CADPS2: variants seen among roughly 807,000 people sequenced by gnomAD.
CADPS2 encodes the protein calcium-dependent secretion activator 2.
CADPS2 carries 93 observed loss-of-function variants against 172.5 expected under a neutral mutation model. The ratio of observed to expected loss-of-function variants is 0.54; its 90% confidence interval spans 0.46 to 0.64. CADPS2 has a LOEUF of 0.64. Among genes scored for constraint, CADPS2 ranks in the 30% least tolerant of loss-of-function variants. The probability of loss-of-function intolerance (pLI) is 0.00; values close to 1 mark genes in which losing one functional copy is unlikely to be tolerated. For missense variants in CADPS2, 1,420 were observed against 1,565.9 expected (o/e 0.91, Z 1.57); for synonymous variants, 546 against 555.2 (o/e 0.98, Z 0.23).
At chr7:122,428,423 AT>A (rs2049432597) in intron 17 of CADPS2, among the ~76,000 whole-genome samples, 1 of 151,038 alleles carries the variant, frequency 6.6e-6, no homozygotes, top group Middle Eastern at 3.2e-3. Flanking sequence ...CCTTGAGTGT[AT>A]GTGTATACCT....
At chr7:122,778,246 T>C (rs1397707872) in intron 1 of CADPS2, among the ~76,000 whole-genome samples, 2 of 152,122 alleles carry the variant, frequency 1.3e-5, no homozygotes, top group Non-Finnish European at 2.9e-5. Flanking sequence ...GCCCTAGAGA[T>C]CTGTGGAACT....
intron 1 of CADPS2, among the ~76,000 whole-genome samples, chr7:122,745,680 T>A (rs555820587): frequency 3.5e-4 from 53 of 151,172 alleles, no homozygotes; most frequent in Non-Finnish European, 5.5e-4. Context: ...CTTTTTTTTT[T>A]AAAGAATGAA....
At chr7:122,632,775 T>G (rs1048474132) in intron 3 of CADPS2, among the ~76,000 whole-genome samples, 9 of 152,140 alleles carry the variant, frequency 5.9e-5, no homozygotes, top group African/African-American at 1.9e-4. Context: ...TTGCCAAAGC[T>G]AAGGTCGAGA....
intron 1 of CADPS2, among the ~76,000 whole-genome samples, chr7:122,781,646 A>T (rs959144493): frequency 2.0e-5 from 3 of 152,100 alleles, no homozygotes; most frequent in East Asian, 3.9e-4. Context: ...TTCCTAATCA[A>T]TTGTCACCAT....
In CADPS2 at chr7:122,685,148, A is replaced by G. The variant is rs562565520; in HGVS notation, c.454-21579T>C. Reference sequence around the variant, plus strand: ...CCAGGATTGTGAGCGACCCAAAGGTATAAATCCAATCACCCTTCTAAAGCT... The same window carrying G: ...CCAGGATTGTGAGCGACCCAAAGGTGTAAATCCAATCACCCTTCTAAAGCT... On this transcript the variant is annotated intron_variant, in intron 2 of 29. Transcript: ENST00000449022. 2.0e-4 allele frequency among the ~76,000 whole-genome samples: 31 copies of G among 152,284 alleles called. No homozygotes were observed. In the South Asian group the frequency reaches 6.0e-3, roughly 30 times the overall value.
chr7:122,712,997 C>T (rs563037137), intron 2 of CADPS2, among the ~76,000 whole-genome samples: 5 of 152,056 alleles, frequency 3.3e-5, no homozygotes, highest in African/African-American at 7.2e-5. Context: ...ATTCAGGTTA[C>T]GGCACACACA....
At chr7:122,630,597 T>C (rs2134196326) in intron 3 of CADPS2, among the ~76,000 whole-genome samples, 1 of 152,226 alleles carries the variant, frequency 6.6e-6, no homozygotes, top group East Asian at 1.9e-4. Flanking sequence ...TGGGACTTCC[T>C]TGAGAGGTTT....
chr7:122,470,887 T>C (rs1357158291), intron 14 of CADPS2, among the ~76,000 whole-genome samples: 1 of 152,202 alleles, frequency 6.6e-6, no homozygotes, highest in Non-Finnish European at 1.5e-5. Context: ...CAAGAGTACT[T>C]GTTCCTAAAG....
chr7:122,673,404 T>C (rs543042724), intron 2 of CADPS2, among the ~76,000 whole-genome samples: 2 of 152,326 alleles, frequency 1.3e-5, no homozygotes, highest in African/African-American at 4.8e-5. Flanking sequence ...AGAGTGCTGA[T>C]TGGTACATTT....
At chr7:122,411,384 C>T (rs1335516704) in intron 19 of CADPS2, among the ~76,000 whole-genome samples, 1 of 151,924 alleles carries the variant, frequency 6.6e-6, no homozygotes, top group South Asian at 2.1e-4. Context: ...CCATGCCCAG[C>T]TAATTTTGTA....
chr7:122,367,539 GTTTT>G lies in CADPS2; in HGVS notation c.3388-6530_3388-6527del, dbSNP rs202155427. On this transcript the variant is annotated intron_variant, in intron 25 of 29. Coordinates refer to ENST00000449022, the MANE Select transcript of CADPS2 (RefSeq NM_017954.11). ...TAACCATATTCTAAACCTTCCCCCAGTTTTTTTTTTTTTTTTTTTTTTTTTAAGA... is the reference window on the plus strand; with the variant it reads ...TAACCATATTCTAAACCTTCCCCCAGTTTTTTTTTTTTTTTTTTTTTAAGA... 9.7e-3 allele frequency among the ~76,000 whole-genome samples: 973 copies of G among 100,592 alleles called. 15 individuals are homozygous for G. Among genetic ancestry groups the G allele is most frequent in the African/African-American group, 0.041 (934 of 22,680 alleles). 66.0% of individuals were successfully genotyped at this position (100,592 alleles called of 152,430 possible). A position where few individuals can be genotyped will look rare whatever the true frequency, so the allele number is the denominator to read the frequency against.
At chr7:122,636,897 T>C (rs1212667464) in intron 3 of CADPS2, among the ~76,000 whole-genome samples, 1 of 152,154 alleles carries the variant, frequency 6.6e-6, no homozygotes, top group Non-Finnish European at 1.5e-5. Flanking sequence ...TCCAACTCTC[T>C]AGTGAGATTG....
intron 3 of CADPS2, among the ~76,000 whole-genome samples, chr7:122,632,863 A>T (rs1358527349): frequency 1.3e-5 from 2 of 152,078 alleles, no homozygotes; most frequent in Non-Finnish European, 2.9e-5. Flanking sequence ...ACCCTGAGTT[A>T]ATTTTCGTAT....
At chr7:122,593,114 CT>C (rs1367383739) in intron 6 of CADPS2, among the ~76,000 whole-genome samples, 1 of 151,756 alleles carries the variant, frequency 6.6e-6, no homozygotes, top group Non-Finnish European at 1.5e-5. Context: ...AATAGAATGG[CT>C]TTCTAGGCCA....
At chr7:122,475,273 C>T (rs1000076490) in intron 12 of CADPS2, among the ~76,000 whole-genome samples, 9 of 152,128 alleles carry the variant, frequency 5.9e-5, no homozygotes, top group Non-Finnish European at 1.2e-4. Context: ...AGAGAAAAAG[C>T]CACACACTAC....
intron 6 of CADPS2, among the ~76,000 whole-genome samples, chr7:122,587,592 T>C (rs1367833333): frequency 6.6e-6 from 1 of 152,194 alleles, no homozygotes; most frequent in Non-Finnish European, 1.5e-5. Flanking sequence ...GCATGTATCT[T>C]TGCAACAGAA....
At chr7:122,399,131 G>C (rs1383612334) in intron 20 of CADPS2, among the ~76,000 whole-genome samples, 1 of 152,084 alleles carries the variant, frequency 6.6e-6, no homozygotes, top group African/African-American at 2.4e-5. Flanking sequence ...AAAGTGACAA[G>C]AAGTGATAGA....
chr7:122,423,242 C>T (rs905796849), intron 17 of CADPS2, among the ~76,000 whole-genome samples: 1 of 152,068 alleles, frequency 6.6e-6, no homozygotes, highest in Non-Finnish European at 1.5e-5. Flanking sequence ...GAGGTCAATC[C>T]TGGCCACATC....
At chr7:122,746,430 G>A (rs569991243) in intron 1 of CADPS2, among the ~76,000 whole-genome samples, 35 of 152,192 alleles carry the variant, frequency 2.3e-4, no homozygotes, top group African/African-American at 7.7e-4. Context: ...CAGACTGAGA[G>A]GTTAAGGTAC....
Sources: gnomAD v4.1 joint callset for allele counts (sites outside exome capture counted in the v4.1 genomes callset) on GRCh38, gnomAD v4.1.1 for gene constraint, MANE v1.5 for transcripts, NCBI Gene and HGNC (gene_info 2026-07-23, HGNC 2026-07-21) for gene names.